Variants in DDX6 observed in about 807,000 individuals in gnomAD.
DDX6 encodes probable ATP-dependent RNA helicase DDX6.
In DDX6, 7 loss-of-function variants were observed where a neutral mutation model predicts 60.6. The observed-to-expected ratio is 0.12, with a 90% confidence interval of 0.07 to 0.22. DDX6 has a LOEUF of 0.22. Ranked by LOEUF, DDX6 falls within the 10% of genes least tolerant of loss-of-function variation. The pLI is 1.00. For missense variants in DDX6, 270 were observed against 589.9 expected (o/e 0.46, Z 5.62); for synonymous variants, 207 against 201.0 (o/e 1.03, Z -0.25).
At chr11:118,773,662 A>G (rs1294170741) in intron 4 of DDX6, among the ~76,000 whole-genome samples, 1 of 148,522 alleles carries the variant, frequency 6.7e-6, no homozygotes, top group Non-Finnish European at 1.5e-5. Flanking sequence ...CTTAACAGGA[A>G]AAAAAAAAAG....
At position 118,758,786 on chromosome 11, in the gene DDX6, T is replaced by A; in HGVS notation, c.981A>T (p.Thr327=). The change falls in exon 9 of 14, where the codon ACA becomes ACT. Residue 327 remains threonine, a synonymous_variant. Coordinates refer to ENST00000534980, the MANE Select transcript of DDX6 (RefSeq NM_004397.6). ...GCCTACTTCTTACCCTGGAGAAAAGTGTGTTGAGGCAGTGTACTTTTTGGC... is the reference window on the plus strand; with the variant it reads ...GCCTACTTCTTACCCTGGAGAAAAGAGTGTTGAGGCAGTGTACTTTTTGGC... ...TERQKVHCLN[T]LFSRLQINQS... 5 of 1,613,504 alleles carry A rather than the reference T, an allele frequency of 3.1e-6. No individual in the cohort carries two copies. Among genetic ancestry groups the A allele is most frequent in the Non-Finnish European group, 4.2e-6 (5 of 1,179,708 alleles).
intron 2 of DDX6, among the ~76,000 whole-genome samples, 199 bp from the exon 3 acceptor site, chr11:118,781,383 G>A (rs1156628984): frequency 6.6e-6 from 1 of 152,164 alleles, no homozygotes; most frequent in Non-Finnish European, 1.5e-5. Flanking sequence ...ATCAAGAACA[G>A]AAGGGATTAA....
Position 118,786,228 on chromosome 11 carries a change from G to C in DDX6, c.24C>G (p.Asn8Lys). Residue 8 changes from asparagine (N) to lysine (K), a missense_variant, in exon 2 of 14, where the codon AAC becomes AAG. Physicochemically the swap from Asn to Lys is moderately conservative, Grantham distance 94. Coordinates refer to ENST00000534980, the MANE Select transcript of DDX6 (RefSeq NM_004397.6). MSTARTE[N>K]PVIMGLSSQN... is the part of the protein sequence containing the mutation. ...GACTGGACAGACCCATTATAACAGG[G>C]TTCTCTGTTCTGGCCGTGCTCATGC... 6.2e-7 allele frequency: 1 copy of C among 1,610,906 alleles called. No homozygotes were observed. The highest frequency in any genetic ancestry group is 1.7e-5 in the Admixed American group (1 of 59,282).
intron 1 of DDX6, chr11:118,787,927 T>C (rs939599805): frequency 1.3e-5 from 2 of 149,566 alleles, no homozygotes; most frequent in African/African-American, 4.9e-5. Flanking sequence ...TAAAAAAAAA[T>C]CCGCGGAAGA....
intron 2 of DDX6, among the ~76,000 whole-genome samples, chr11:118,785,508 CTT>C (rs397938089): frequency 4.2e-5 from 6 of 143,032 alleles, no homozygotes; most frequent in Admixed American, 1.4e-4. Context: ...AACCAGCCAA[CTT>C]TTTTTTTTTT....
At chr11:118,774,600 T>A (rs2137506129) in intron 4 of DDX6, among the ~76,000 whole-genome samples, 1 of 151,430 alleles carries the variant, frequency 6.6e-6, no homozygotes. Flanking sequence ...GCCCAGCTAA[T>A]TTTTGTACAG....
intron 11 of DDX6, among the ~76,000 whole-genome samples, chr11:118,756,027 C>T (rs868926349): frequency 7.6e-5 from 9 of 119,002 alleles, no homozygotes; most frequent in Non-Finnish European, 1.4e-4. Flanking sequence ...CCCCCCCCCC[C>T]CCAAAAAAAA....
intron 2 of DDX6, chr11:118,785,748 T>C (rs1349648272): frequency 4.1e-5 from 9 of 219,714 alleles, no homozygotes; most frequent in Admixed American, 1.1e-4. Context: ...AATAATTTTA[T>C]TCATTTACAA....
At chr11:118,777,622 G>T (rs902727584) in intron 4 of DDX6, among the ~76,000 whole-genome samples, 2 of 152,108 alleles carry the variant, frequency 1.3e-5, no homozygotes, top group African/African-American at 4.8e-5. Flanking sequence ...GGGTACGATG[G>T]CTCACATCTA....
chr11:118,772,357 T>C (rs1555162775), intron 4 of DDX6, among the ~76,000 whole-genome samples: 1 of 152,078 alleles, frequency 6.6e-6, no homozygotes, highest in East Asian at 1.9e-4. Context: ...ACAACACAGA[T>C]GAACTCGGAA....
intron 4 of DDX6, among the ~76,000 whole-genome samples, chr11:118,776,248 T>G (rs572085585): frequency 5.9e-5 from 9 of 152,344 alleles, no homozygotes; most frequent in African/African-American, 2.2e-4. Flanking sequence ...TATCACGTAC[T>G]AGGCATTGTA....
intron 4 of DDX6, among the ~76,000 whole-genome samples, chr11:118,774,464 CTTTTTTTTTT>C (rs11442846): frequency 8.6e-6 from 1 of 116,406 alleles, no homozygotes; most frequent in Admixed American, 9.7e-5. Context: ...CTCTAACAGT[CTTTTTTTTTT>C]TTTTTTTTTT....
At chr11:118,790,524 G>C (rs1038535237) in intron 1 of DDX6, among the ~76,000 whole-genome samples, 2 of 151,984 alleles carry the variant, frequency 1.3e-5, no homozygotes, top group Admixed American at 1.3e-4. Context: ...CTCCAATACA[G>C]CATGTCCCTG....
chr11:118,749,832 T>A lies in DDX6; in HGVS notation c.*2273A>T, dbSNP rs969112455. 8 of 152,604 alleles carry A rather than the reference T, an allele frequency of 5.2e-5. No homozygotes were observed. Among genetic ancestry groups the A allele is most frequent in the Admixed American group, 5.2e-4 (8 of 15,282 alleles). The allele number at this position is 152,604 out of a possible 1,614,324, so 9.5% of individuals were successfully genotyped here. ...CCTCCCTGGAAAAAAGTTACTTCCT[T>A]AATTAGGTTTTCTATTTAGTAACCA... is the stretch of plus-strand genomic sequence containing the variant. On this transcript the variant is annotated 3_prime_UTR_variant, in exon 14 of 14. Coordinates refer to ENST00000534980, the MANE Select transcript of DDX6 (RefSeq NM_004397.6).
At chr11:118,777,222 T>G (rs1239194609) in intron 4 of DDX6, among the ~76,000 whole-genome samples, 1 of 133,014 alleles carries the variant, frequency 7.5e-6, no homozygotes, top group Non-Finnish European at 1.7e-5. Flanking sequence ...GGTCAAACAC[T>G]TTCTAGGTCA....
intron 10 of DDX6, among the ~76,000 whole-genome samples, chr11:118,756,532 CAAAA>C (rs57041535): frequency 8.5e-5 from 13 of 152,116 alleles, no homozygotes; most frequent in Admixed American, 2.6e-4. Flanking sequence ...ATGTAGTTAA[CAAAA>C]AAGTCATTTT....
chr11:118,760,296 G>C (rs140307741), intron 7 of DDX6, among the ~76,000 whole-genome samples: 9 of 152,066 alleles, frequency 5.9e-5, no homozygotes, highest in Non-Finnish European at 1.2e-4. Context: ...TTCTGTAACA[G>C]AATTTAATTA....
At chr11:118,773,581 T>C (rs1027423887) in intron 4 of DDX6, among the ~76,000 whole-genome samples, 5 of 146,330 alleles carry the variant, frequency 3.4e-5, no homozygotes, top group East Asian at 2.0e-4. Flanking sequence ...CAAAACAAAA[T>C]AAAACAAAAC....
In DDX6 at chr11:118,767,225, T is replaced by C. The variant is rs1041016247; in HGVS notation, c.499+998A>G. Among the ~76,000 whole-genome samples, 49 of 151,984 alleles carry C rather than the reference T, an allele frequency of 3.2e-4. 1 individual carries two copies. The highest frequency in any genetic ancestry group is 3.1e-3 in the Admixed American group (48 of 15,254). On this transcript the variant is annotated intron_variant, in intron 5 of 13. Transcript: ENST00000534980. ...AATTACAAACTTTCAGCATGTTGAGTTCGCAACTATTAGCTCAAAGTTTAT... is the reference window on the plus strand; with the variant it reads ...AATTACAAACTTTCAGCATGTTGAGCTCGCAACTATTAGCTCAAAGTTTAT...
Sources: gnomAD v4.1 joint callset for allele counts (sites outside exome capture counted in the v4.1 genomes callset) on GRCh38, gnomAD v4.1.1 for gene constraint, MANE v1.5 for transcripts, NCBI Gene and HGNC (gene_info 2026-07-23, HGNC 2026-07-21) for gene names.